The following GSK3B variants were observed in gnomAD, a reference collection of about 807,000 sequenced individuals.
The protein encoded by GSK3B is glycogen synthase kinase-3 beta.
In GSK3B, 15 loss-of-function variants were observed where a neutral mutation model predicts 56.4. The observed-to-expected ratio is 0.27, with a 90% CI of 0.18 to 0.41. GSK3B has a LOEUF of 0.41. Ranked by LOEUF, GSK3B falls within the 10% of genes least tolerant of loss-of-function variation. The pLI is 1.00. For synonymous variants in GSK3B, 181 were observed against 188.9 expected, an observed-to-expected ratio of 0.96 and a Z score of 0.34; for missense variants, 300 against 513.4, an observed-to-expected ratio of 0.58 and a Z score of 4.02.
At chr3:119,899,964 T>A (rs764141466) in intron 7 of GSK3B, among the ~76,000 whole-genome samples, 2 of 152,090 alleles carry the variant, frequency 1.3e-5, no homozygotes, top group Non-Finnish European at 2.9e-5. Flanking sequence ...TGTTGTACTT[T>A]CAAATTTCTT....
At chr3:119,853,566 T>C (rs188479191) in intron 9 of GSK3B, among the ~76,000 whole-genome samples, 3 of 151,834 alleles carry the variant, frequency 2.0e-5, no homozygotes, top group African/African-American at 7.3e-5. Context: ...TGGAATGTTC[T>C]TTCATTTGTT....
chr3:119,943,116 T>A (rs1443307270), intron 3 of GSK3B, among the ~76,000 whole-genome samples: 3 of 152,164 alleles, frequency 2.0e-5, no homozygotes, highest in Non-Finnish European at 2.9e-5. Flanking sequence ...TTATCCACTA[T>A]CCCTAAAGAA....
intron 1 of GSK3B, among the ~76,000 whole-genome samples, chr3:120,040,506 G>C (rs1364819158): frequency 1.3e-5 from 2 of 152,058 alleles, no homozygotes; most frequent in African/African-American, 2.4e-5. Flanking sequence ...AGGAAGAATA[G>C]GCAAGAAATC....
At chr3:119,864,564 G>C (rs562496025) in intron 8 of GSK3B, among the ~76,000 whole-genome samples, 1 of 152,182 alleles carries the variant, frequency 6.6e-6, no homozygotes, top group Non-Finnish European at 1.5e-5. Context: ...AAGGTGTGAC[G>C]ATGGAGGTGG....
At chr3:119,999,555 A>T (rs972863491) in intron 2 of GSK3B, among the ~76,000 whole-genome samples, 11 of 152,334 alleles carry the variant, frequency 7.2e-5, no homozygotes, top group Admixed American at 7.2e-4. Context: ...AATCCCAAAA[A>T]ATGGAATGTG....
chr3:119,905,490 G>C (rs2056673744), intron 7 of GSK3B, among the ~76,000 whole-genome samples: 1 of 151,944 alleles, frequency 6.6e-6, no homozygotes, highest in Admixed American at 6.6e-5. Context: ...TTGCTTTTAA[G>C]TACTTTAAAT....
intron 2 of GSK3B, among the ~76,000 whole-genome samples, chr3:119,964,923 T>C (rs2057305127): frequency 6.6e-6 from 1 of 152,042 alleles, no homozygotes; most frequent in African/African-American, 2.4e-5. Flanking sequence ...TTTTTAAATA[T>C]ACCAATTATA....
chr3:119,869,859 T>A (rs564565950), intron 8 of GSK3B, among the ~76,000 whole-genome samples: 1 of 152,348 alleles, frequency 6.6e-6, no homozygotes, highest in South Asian at 2.1e-4. Context: ...AGCATTTAAC[T>A]ATGTAACATA....
intron 4 of GSK3B, among the ~76,000 whole-genome samples, chr3:119,920,471 C>T (rs142733658): frequency 1.6e-3 from 236 of 152,234 alleles, no homozygotes; most frequent in Middle Eastern, 3.4e-3. Flanking sequence ...GAACTCCTGA[C>T]GACCTCTGGT....
chr3:119,968,042 G>C (rs905615728), intron 2 of GSK3B, among the ~76,000 whole-genome samples: 3 of 151,786 alleles, frequency 2.0e-5, no homozygotes, highest in Admixed American at 6.6e-5. Flanking sequence ...TTTTTAGTAG[G>C]GACGGGGTTT....
At chr3:119,855,107 C>G (rs2055998936) in intron 9 of GSK3B, among the ~76,000 whole-genome samples, 1 of 152,158 alleles carries the variant, frequency 6.6e-6, no homozygotes, top group African/African-American at 2.4e-5. Context: ...CCCAGAGATT[C>G]TGGTATGTTG....
chr3:119,849,020 T>C (rs1009476397), intron 9 of GSK3B, among the ~76,000 whole-genome samples: 1 of 152,154 alleles, frequency 6.6e-6, no homozygotes, highest in Admixed American at 6.6e-5. Flanking sequence ...TTACTTCAAG[T>C]CAGTTCAATT....
At chr3:120,035,955 C>A (rs528887496) in intron 1 of GSK3B, among the ~76,000 whole-genome samples, 9 of 152,126 alleles carry the variant, frequency 5.9e-5, no homozygotes, top group Non-Finnish European at 1.5e-5. Context: ...CACTCTGATG[C>A]CTTTTACTTC....
At chr3:119,885,903 A>G (rs2056430964) in intron 7 of GSK3B, among the ~76,000 whole-genome samples, 1 of 152,170 alleles carries the variant, frequency 6.6e-6, no homozygotes, top group African/African-American at 2.4e-5. Flanking sequence ...GTGACTCAAG[A>G]TGGACTAAAG....
At chr3:120,021,076 T>G (rs1232561072) in intron 1 of GSK3B, among the ~76,000 whole-genome samples, 4 of 152,184 alleles carry the variant, frequency 2.6e-5, no homozygotes, top group African/African-American at 9.7e-5. Flanking sequence ...AGAGGAAAGA[T>G]GCCCTCTCCA....
chr3:119,876,813 G>C (rs1480654178), intron 7 of GSK3B, among the ~76,000 whole-genome samples: 1 of 152,100 alleles, frequency 6.6e-6, no homozygotes, highest in African/African-American at 2.4e-5. Context: ...GAGCAGGCTG[G>C]TTAGAAATGT....
chr3:119,858,202 G>A (rs1201211274), intron 9 of GSK3B, among the ~76,000 whole-genome samples: 1 of 152,162 alleles, frequency 6.6e-6, no homozygotes, highest in African/African-American at 2.4e-5. Context: ...CATAACAAAT[G>A]AGTCAACCTA....
intron 3 of GSK3B, among the ~76,000 whole-genome samples, chr3:119,944,028 A>C (rs1460199899): frequency 6.6e-6 from 1 of 152,166 alleles, no homozygotes. Flanking sequence ...AGGGAAAGAA[A>C]GTCAGAGATG....
chr3:119,867,723 G>A (rs938594329), intron 8 of GSK3B, among the ~76,000 whole-genome samples: 8 of 152,142 alleles, frequency 5.3e-5, no homozygotes, highest in Non-Finnish European at 1.0e-4. Flanking sequence ...ACCAGTATCT[G>A]TGAACTCCCC....
Sources: gnomAD v4.1 joint callset for allele counts (sites outside exome capture counted in the v4.1 genomes callset) on GRCh38, gnomAD v4.1.1 for gene constraint, MANE v1.5 for transcripts, NCBI Gene and HGNC (gene_info 2026-07-23, HGNC 2026-07-21) for gene names.